Variants in CUX1 observed in about 807,000 individuals in gnomAD.
CUX1 encodes the protein cut like homeobox 1, also known as protein CASP.
CUX1 carries 31 observed loss-of-function variants against 158.8 expected under a neutral mutation model. The observed-to-expected ratio is 0.20, with a 90% CI of 0.15 to 0.26. The LOEUF (loss-of-function observed/expected upper bound fraction) is 0.26. Among genes scored for constraint, CUX1 ranks in the 10% least tolerant of loss-of-function variants. The pLI, the probability that CUX1 is intolerant of heterozygous loss-of-function variation, is 1.00. For missense variants in CUX1, 1,589 were observed against 2,014.6 expected (o/e 0.79, Z 4.04); for synonymous variants, 879 against 862.1 (o/e 1.02, Z -0.34).
At chr7:102,189,707 C>T in intron 11 of CUX1, 106 bp from the exon 12 acceptor site, 3 of 1,225,392 alleles carry the variant, frequency 2.4e-6, no homozygotes, top group South Asian at 1.3e-5. Flanking sequence ...CAAGGGCTGG[C>T]TTCCCCTCTC....
chr7:102,067,229 CTTTT>C (rs34912215), intron 3 of CUX1, among the ~76,000 whole-genome samples: 2 of 94,016 alleles, frequency 2.1e-5, no homozygotes, highest in Non-Finnish European at 3.9e-5. Context: ...TTTCATGTAA[CTTTT>C]TTTTTTTTTT....
Position 101,854,747 on chromosome 7 carries a change from CT to C in CUX1, c.30+37087del, listed in dbSNP as rs1187172508. 2.6e-5 allele frequency among the ~76,000 whole-genome samples: 4 copies of C among 151,886 alleles called. No individual in the cohort carries two copies. In the East Asian group the frequency reaches 5.8e-4, roughly 22 times the overall value. The stretch of plus-strand genomic sequence containing the variant: ...ACTAAAAATGGACTCAGTTTTCTTT[CT>C]TTTTTTTTCTTTTTGAGATGAAGTC... On this transcript the variant is annotated intron_variant, in intron 1 of 23. Coordinates refer to ENST00000292535, the MANE Select transcript of CUX1 (RefSeq NM_181552.4).
intron 2 of CUX1, among the ~76,000 whole-genome samples, chr7:101,957,092 T>C (rs1356314354): frequency 6.6e-6 from 1 of 152,198 alleles, no homozygotes; most frequent in Non-Finnish European, 1.5e-5. Context: ...AATCATTCAT[T>C]CAAATTATTA....
intron 3 of CUX1, among the ~76,000 whole-genome samples, chr7:102,029,560 C>T (rs1240001698): frequency 6.6e-6 from 1 of 152,072 alleles, no homozygotes; most frequent in Non-Finnish European, 1.5e-5. Context: ...GCGATTGTAG[C>T]CAAAGACAGA....
At chr7:102,087,229 T>C (rs935175952) in intron 4 of CUX1, among the ~76,000 whole-genome samples, 7 of 152,194 alleles carry the variant, frequency 4.6e-5, no homozygotes, top group Non-Finnish European at 7.3e-5. Context: ...TTTTTAATGT[T>C]TTTATCTCCC....
chr7:102,099,061 A>G (rs1829510391), intron 5 of CUX1, among the ~76,000 whole-genome samples: 2 of 152,216 alleles, frequency 1.3e-5, no homozygotes, highest in African/African-American at 4.8e-5. Flanking sequence ...AGCATCTGTG[A>G]TGATGTGTGA....
chr7:102,144,515 G>T (rs192567578), intron 8 of CUX1, among the ~76,000 whole-genome samples: 2 of 151,570 alleles, frequency 1.3e-5, no homozygotes, highest in Admixed American at 1.3e-4. Flanking sequence ...TAGTCACAGC[G>T]CAATTAGCAC....
intron 1 of CUX1, among the ~76,000 whole-genome samples, chr7:101,915,403 G>A (rs1477179997): frequency 1.3e-5 from 2 of 152,164 alleles, no homozygotes; most frequent in Non-Finnish European, 2.9e-5. Context: ...CACTCCTGGT[G>A]GTCCTCAGCG....
chr7:102,247,457 A>C (rs1800934427), intron 23 of CUX1, among the ~76,000 whole-genome samples: 2 of 152,200 alleles, frequency 1.3e-5, no homozygotes, highest in Admixed American at 1.3e-4. Flanking sequence ...GGGTGTACAA[A>C]GAATAAATAG....
intron 20 of CUX1, among the ~76,000 whole-genome samples, chr7:102,206,833 A>G (rs1796000442): frequency 6.6e-6 from 1 of 152,140 alleles, no homozygotes; most frequent in South Asian, 2.1e-4. Context: ...CAGGAGGCGG[A>G]GGTTGCAGTG....
chr7:102,216,662 CACACACT>C (rs1797189310), intron 20 of CUX1, among the ~76,000 whole-genome samples: 1 of 57,628 alleles, frequency 1.7e-5, no homozygotes, highest in Non-Finnish European at 4.0e-5. Context: ...CACTCTCCCA[CACACACT>C]CACACACACA....
chr7:102,175,791 T>C (rs1554511750), intron 10 of CUX1, among the ~76,000 whole-genome samples: 1 of 152,222 alleles, frequency 6.6e-6, no homozygotes, highest in Non-Finnish European at 1.5e-5. Flanking sequence ...CTTTCCAGAC[T>C]CCCTGTGATG....
chr7:102,065,146 A>G (rs1293962709), intron 3 of CUX1, among the ~76,000 whole-genome samples: 1 of 151,870 alleles, frequency 6.6e-6, no homozygotes, highest in East Asian at 1.9e-4. Flanking sequence ...CAGTGGCTCA[A>G]TCATAGCTCA....
intron 2 of CUX1, among the ~76,000 whole-genome samples, chr7:101,996,470 G>A (rs1179043338): frequency 6.6e-6 from 1 of 152,070 alleles, no homozygotes; most frequent in East Asian, 1.9e-4. Context: ...TTTCTGGCTT[G>A]TCTCTGCCAA....
intron 6 of CUX1, among the ~76,000 whole-genome samples, chr7:102,106,441 T>C (rs958015652): frequency 6.6e-6 from 1 of 151,894 alleles, no homozygotes; most frequent in South Asian, 2.1e-4. Context: ...GGTTAGGAGG[T>C]GGGGCTTAGA....
rs1801065018 is a variant in CUX1 at position 102,248,492 on chromosome 7, C to T, written c.3968C>T (p.Ser1323Leu). Reference sequence around the variant, plus strand: ...CAGGCGGGCGCCAGCGACTCACCCTCGGCCCGCAGCGGCCGGGCGGCGCCC... The same window carrying T: ...CAGGCGGGCGCCAGCGACTCACCCTTGGCCCGCAGCGGCCGGGCGGCGCCC... ...QGQAGASDSP[S>L]ARSGRAAPSS... Residue 1323 changes from serine to leucine, a missense_variant, in exon 24 of 24, where the codon TCG becomes TTG. Physicochemically the swap from Ser to Leu is moderately radical, Grantham distance 145. Coordinates refer to ENST00000292535, the MANE Select transcript of CUX1 (RefSeq NM_181552.4). The surrounding 1 kb of genome is among the most constrained non-coding windows in gnomAD (Gnocchi z 5.8). The T allele has an allele frequency of 1.9e-6, 3 of 1,571,002 alleles. No homozygotes were observed. Among genetic ancestry groups the T allele is most frequent in the Non-Finnish European group, 1.7e-6 (2 of 1,162,594 alleles).
At chr7:101,996,013 G>C (rs547099906) in intron 2 of CUX1, among the ~76,000 whole-genome samples, 12 of 152,146 alleles carry the variant, frequency 7.9e-5, no homozygotes, top group Admixed American at 1.3e-4. Context: ...TCGGGAGGCT[G>C]AGGCAGGAGA....
chr7:102,163,444 G>C (rs1790676893), intron 9 of CUX1, among the ~76,000 whole-genome samples: 2 of 152,142 alleles, frequency 1.3e-5, no homozygotes, highest in African/African-American at 4.8e-5. Flanking sequence ...CAACACCAGA[G>C]ATGCGGGTCA....
At chr7:102,232,740 G>A (rs1799139684) in intron 21 of CUX1, among the ~76,000 whole-genome samples, 1 of 152,188 alleles carries the variant, frequency 6.6e-6, no homozygotes, top group African/African-American at 2.4e-5. Context: ...AACTCAATGC[G>A]GCTGTGCTCT....
Sources: gnomAD v4.1 joint callset for allele counts (sites outside exome capture counted in the v4.1 genomes callset) on GRCh38, gnomAD v4.1.1 for gene constraint, Gnocchi (gnomAD v3.1) non-coding constraint, MANE v1.5 for transcripts, NCBI Gene and HGNC (gene_info 2026-07-23, HGNC 2026-07-21) for gene names.